TACR1: variants seen among roughly 807,000 people sequenced by gnomAD.
TACR1 encodes the protein substance-P receptor.
A neutral mutation model predicts 35.8 loss-of-function variants in TACR1; 25 were observed. The observed-to-expected ratio is 0.70, with a 90% CI of 0.51 to 0.98. TACR1 has a LOEUF of 0.98. Ranked by LOEUF, TACR1 falls within the 50% of genes least tolerant of loss-of-function variation. The pLI, the probability that TACR1 is intolerant of heterozygous loss-of-function variation, is 0.00. For missense variants in TACR1, 478 were observed against 522.9 expected, an observed-to-expected ratio of 0.91 and a Z score of 0.84; for synonymous variants, 195 against 206.7, an observed-to-expected ratio of 0.94 and a Z score of 0.48.
At chr2:75,165,416 C>A (rs1009459013) in intron 1 of TACR1, among the ~76,000 whole-genome samples, 2 of 151,990 alleles carry the variant, frequency 1.3e-5, no homozygotes, top group East Asian at 3.9e-4. Flanking sequence ...TCACACCACT[C>A]TCCTGCCTCA....
intron 1 of TACR1, among the ~76,000 whole-genome samples, chr2:75,150,473 T>C (rs1466169941): frequency 6.6e-6 from 1 of 152,166 alleles, no homozygotes; most frequent in East Asian, 1.9e-4. Context: ...TGAGATCTGA[T>C]GAGTTTATCA....
chr2:75,151,211 A>G (rs1483104297), intron 1 of TACR1, among the ~76,000 whole-genome samples: 1 of 152,252 alleles, frequency 6.6e-6, no homozygotes, highest in African/African-American at 2.4e-5. Context: ...AAGTTTGCAT[A>G]AGTAGCAGGG....
intron 1 of TACR1, among the ~76,000 whole-genome samples, chr2:75,126,700 C>T (rs963422793): frequency 2.6e-5 from 4 of 152,190 alleles, no homozygotes; most frequent in African/African-American, 7.2e-5. Context: ...ACAGAGCATA[C>T]AGACAGCCTA....
At chr2:75,077,672 G>T (rs1422569879) in intron 2 of TACR1, among the ~76,000 whole-genome samples, 1 of 152,148 alleles carries the variant, frequency 6.6e-6, no homozygotes, top group Non-Finnish European at 1.5e-5. Flanking sequence ...TGTGGATCAG[G>T]CCTGAGATGC....
intron 1 of TACR1, among the ~76,000 whole-genome samples, chr2:75,164,129 C>T (rs1385060397): frequency 1.3e-5 from 2 of 151,954 alleles, no homozygotes; most frequent in African/African-American, 4.8e-5. Context: ...AGATCAAGAC[C>T]ATCCTGCCTA....
chr2:75,076,666 C>T (rs1166768536), intron 2 of TACR1, among the ~76,000 whole-genome samples: 4 of 152,058 alleles, frequency 2.6e-5, no homozygotes, highest in African/African-American at 4.8e-5. Context: ...ACATGGAGCC[C>T]GAGACCAGGA....
intron 1 of TACR1, among the ~76,000 whole-genome samples, chr2:75,162,972 T>C (rs2103996818): frequency 6.6e-6 from 1 of 152,318 alleles, no homozygotes; most frequent in African/African-American, 2.4e-5. Context: ...TACTTCCCAG[T>C]CCGTTTGCAA....
intron 2 of TACR1, among the ~76,000 whole-genome samples, chr2:75,061,979 C>G (rs1034107170): frequency 1.3e-5 from 2 of 152,194 alleles, no homozygotes; most frequent in Non-Finnish European, 2.9e-5. Flanking sequence ...AATGTTCCTT[C>G]TAGGCAGAGC....
At chr2:75,154,921 G>A (rs1411074389) in intron 1 of TACR1, among the ~76,000 whole-genome samples, 2 of 152,172 alleles carry the variant, frequency 1.3e-5, no homozygotes, top group African/African-American at 2.4e-5. Flanking sequence ...GTCCTGGGCA[G>A]TGAGGCAGGA....
chr2:75,053,887 G>T, intron 2 of TACR1, 132 bp from the exon 3 acceptor site: 14 of 1,208,462 alleles, frequency 1.2e-5, no homozygotes, highest in Non-Finnish European at 1.6e-5. Flanking sequence ...AGCTTGGGCT[G>T]TAAAGCCCAC....
intron 2 of TACR1, among the ~76,000 whole-genome samples, chr2:75,088,055 C>T (rs78114200): frequency 0.018 from 2,705 of 152,320 alleles, 84 homozygotes; most frequent in African/African-American, 0.062. Context: ...ATTTCTCTAG[C>T]TGACGTCTAC....
chr2:75,067,705 A>G (rs376613263), intron 2 of TACR1, among the ~76,000 whole-genome samples: 3 of 152,172 alleles, frequency 2.0e-5, no homozygotes, highest in Admixed American at 1.3e-4. Context: ...TGAAGGGTGC[A>G]GTGGTGGGTG....
intron 2 of TACR1, among the ~76,000 whole-genome samples, chr2:75,066,429 G>A (rs1672763022): frequency 6.6e-6 from 1 of 152,150 alleles, no homozygotes; most frequent in African/African-American, 2.4e-5. Flanking sequence ...AGTTTTTCAA[G>A]AATGAACAAA....
rs190980834 is a variant in TACR1 at position 75,090,248 on chromosome 2, C to T, written c.584+30326G>A. Among the ~76,000 whole-genome samples the T allele has an allele frequency of 2.6e-3, 389 of 152,250 alleles. 4 individuals carry two copies. The highest frequency in any genetic ancestry group is 9.1e-3 in the African/African-American group (379 of 41,538). On this transcript the variant is annotated intron_variant, in intron 2 of 4. Transcript: ENST00000305249. Reference sequence around the variant, plus strand: ...CATATGATATAATTTACTTTGTAAACCAAAAATAAAATTCTAAGGCCCCCC... The same window carrying T: ...CATATGATATAATTTACTTTGTAAATCAAAAATAAAATTCTAAGGCCCCCC...
At chr2:75,159,116 T>A (rs1674939935) in intron 1 of TACR1, among the ~76,000 whole-genome samples, 1 of 152,094 alleles carries the variant, frequency 6.6e-6, no homozygotes, top group African/African-American at 2.4e-5. Flanking sequence ...CCAAAGTAGC[T>A]AATTTTGTAG....
intron 2 of TACR1, among the ~76,000 whole-genome samples, chr2:75,082,066 C>T (rs1477406876): frequency 6.6e-6 from 1 of 151,942 alleles, no homozygotes; most frequent in Non-Finnish European, 1.5e-5. Context: ...GTTATCCCTC[C>T]CCACTCCCCG....
intron 1 of TACR1, among the ~76,000 whole-genome samples, chr2:75,195,551 C>A (rs553433159): frequency 6.6e-6 from 1 of 152,200 alleles, no homozygotes; most frequent in South Asian, 2.1e-4. Context: ...CAAAGTTTAC[C>A]AAGATAGTTT....
At chr2:75,121,911 G>A (rs373902333) in intron 1 of TACR1, among the ~76,000 whole-genome samples, 1 of 152,164 alleles carries the variant, frequency 6.6e-6, no homozygotes, top group African/African-American at 2.4e-5. Context: ...CTGTCAGCTG[G>A]CTCCACATCG....
At chr2:75,094,857 A>ATTTT (rs1414426554) in intron 2 of TACR1, among the ~76,000 whole-genome samples, 3 of 91,132 alleles carry the variant, frequency 3.3e-5, no homozygotes, top group African/African-American at 1.2e-4. Flanking sequence ...ATATATATAT[A>ATTTT]TATTTTTTTT....
Sources: allele counts gnomAD v4.1 joint callset (sites outside exome capture counted in the v4.1 genomes callset), GRCh38; gene constraint gnomAD v4.1.1; transcripts MANE v1.5; gene names NCBI Gene and HGNC (gene_info 2026-07-23, HGNC 2026-07-21).